Variants in FHIT observed in about 807,000 individuals in gnomAD.
FHIT encodes bis(5'-adenosyl)-triphosphatase.
Under a neutral mutation model 17.9 loss-of-function variants are expected in FHIT, and 19 were observed. The ratio of observed to expected loss-of-function variants is 1.06; its 90% CI spans 0.74 to 1.56. FHIT has a LOEUF of 1.56. Among genes scored for constraint, FHIT ranks in the 40% most tolerant of loss-of-function variants. FHIT has a pLI of 0.00. For synonymous variants in FHIT, 81 were observed against 69.7 expected, an observed-to-expected ratio of 1.16 and a Z score of -0.81; for missense variants, 248 against 189.2, an observed-to-expected ratio of 1.31 and a Z score of -1.82.
chr3:59,992,493 C>T (rs986851617), intron 7 of FHIT, among the ~76,000 whole-genome samples: 4 of 151,980 alleles, frequency 2.6e-5, no homozygotes, highest in African/African-American at 9.7e-5. Flanking sequence ...AAGCGTATAC[C>T]AACAACACAT....
At chr3:60,455,108 G>A (rs939015093) in intron 5 of FHIT, among the ~76,000 whole-genome samples, 21 of 152,056 alleles carry the variant, frequency 1.4e-4, no homozygotes, top group African/African-American at 3.6e-4. Flanking sequence ...TACAAATTAA[G>A]ATGGGGTGGG....
intron 5 of FHIT, among the ~76,000 whole-genome samples, chr3:60,217,342 C>T (rs1703741793): frequency 6.6e-6 from 1 of 152,166 alleles, no homozygotes; most frequent in African/African-American, 2.4e-5. Context: ...ACATGAGTCA[C>T]TTTCCTTGAG....
intron 1 of FHIT, among the ~76,000 whole-genome samples, chr3:61,247,227 T>G (rs946022915): frequency 3.3e-5 from 5 of 152,238 alleles, no homozygotes; most frequent in African/African-American, 1.2e-4. Flanking sequence ...CCTCTGCTGT[T>G]GCTGTGATCC....
intron 2 of FHIT, among the ~76,000 whole-genome samples, chr3:61,122,086 G>C (rs952826324): frequency 6.6e-6 from 1 of 152,026 alleles, no homozygotes; most frequent in African/African-American, 2.4e-5. Flanking sequence ...GAGGCATCAC[G>C]CTACCTGACT....
At chr3:60,068,381 C>A (rs1243610901) in intron 5 of FHIT, among the ~76,000 whole-genome samples, 1 of 152,220 alleles carries the variant, frequency 6.6e-6, no homozygotes, top group Non-Finnish European at 1.5e-5. Context: ...GACTCTGCAT[C>A]TTAAGTTCCC....
At chr3:60,284,790 A>C (rs1707640761) in intron 5 of FHIT, among the ~76,000 whole-genome samples, 1 of 152,122 alleles carries the variant, frequency 6.6e-6, no homozygotes, top group African/African-American at 2.4e-5. Context: ...CTAGGAAATA[A>C]AGCTAACAGT....
rs368042899 is a variant in FHIT at position 60,166,991 on chromosome 3, C to T, written c.104-152839G>A. Among the ~76,000 whole-genome samples the T allele has an allele frequency of 1.4e-4, 21 of 152,264 alleles. No homozygotes were observed. In the East Asian group the frequency reaches 1.5e-3, roughly 11 times the overall value. On this transcript the variant is annotated intron_variant, in intron 5 of 9. Coordinates refer to ENST00000492590, the MANE Select transcript of FHIT (RefSeq NM_002012.4). ...CATGCACCTGTGAGACTACTTTCTG[C>T]TCCCTAAATATGCCAAACACACACC... is the stretch of plus-strand genomic sequence containing the variant.
chr3:60,332,918 A>G (rs1710056448), intron 5 of FHIT, among the ~76,000 whole-genome samples: 1 of 152,226 alleles, frequency 6.6e-6, no homozygotes, highest in South Asian at 2.1e-4. Flanking sequence ...GTCTGCTCCT[A>G]GACACCACTT....
At chr3:60,553,169 A>C (rs2036616572) in intron 4 of FHIT, among the ~76,000 whole-genome samples, 1 of 152,004 alleles carries the variant, frequency 6.6e-6, no homozygotes. Flanking sequence ...TTATTTCTGT[A>C]TTTAATATTA....
At chr3:61,046,252 T>G (rs1242604751) in intron 2 of FHIT, among the ~76,000 whole-genome samples, 1 of 151,774 alleles carries the variant, frequency 6.6e-6, no homozygotes, top group South Asian at 2.1e-4. Flanking sequence ...GCAAGACTGG[T>G]AAAGAAGAAA....
At chr3:60,588,263 A>G (rs543426736) in intron 4 of FHIT, among the ~76,000 whole-genome samples, 14 of 151,998 alleles carry the variant, frequency 9.2e-5, no homozygotes, top group Non-Finnish European at 1.8e-4. Flanking sequence ...CCCTATATCC[A>G]CTAAAGATCA....
intron 4 of FHIT, among the ~76,000 whole-genome samples, chr3:60,744,263 CAAAA>C (rs2042304239): frequency 3.5e-5 from 3 of 85,994 alleles, no homozygotes; most frequent in African/African-American, 4.7e-5. Flanking sequence ...AAAAACAAAA[CAAAA>C]CAAAAAAAAA....
At chr3:61,226,375 T>C (rs926414056) in intron 1 of FHIT, among the ~76,000 whole-genome samples, 6 of 152,182 alleles carry the variant, frequency 3.9e-5, no homozygotes, top group African/African-American at 1.4e-4. Flanking sequence ...TTTCCTGCAT[T>C]TCCCCTTCAT....
At position 60,706,622 on chromosome 3, in the gene FHIT, A is replaced by G. The variant is rs76354458; in HGVS notation, c.-18+115297T>C. Among the ~76,000 whole-genome samples the G allele has an allele frequency of 2.5e-4, 38 of 152,302 alleles. 1 individual carries two copies. The East Asian group carries it at 7.3e-3, about 29-fold the overall frequency. On this transcript the variant is annotated intron_variant, in intron 4 of 9. Transcript: ENST00000492590. ...CGTTTGGGAACAGAGAAGGCGAAAC[A>G]CCATGTCTGACACACTATGGAAAGT...
intron 8 of FHIT, among the ~76,000 whole-genome samples, chr3:59,759,650 T>C (rs978354969): frequency 6.6e-6 from 1 of 152,216 alleles, no homozygotes; most frequent in African/African-American, 2.4e-5. Flanking sequence ...TGGACCATTC[T>C]GATTGAGTCA....
At chr3:60,590,817 A>T (rs1387898846) in intron 4 of FHIT, among the ~76,000 whole-genome samples, 1 of 152,226 alleles carries the variant, frequency 6.6e-6, no homozygotes, top group Non-Finnish European at 1.5e-5. Context: ...TGAACTGATG[A>T]CTTAAACGCA....
intron 8 of FHIT, among the ~76,000 whole-genome samples, chr3:59,752,706 T>A (rs1222738475): frequency 6.6e-6 from 1 of 152,058 alleles, no homozygotes; most frequent in African/African-American, 2.4e-5. Flanking sequence ...TGGGGGACCT[T>A]ATTGTTTAAA....
At chr3:60,293,063 C>G (rs1039600516) in intron 5 of FHIT, among the ~76,000 whole-genome samples, 7 of 152,140 alleles carry the variant, frequency 4.6e-5, no homozygotes, top group Non-Finnish European at 8.8e-5. Flanking sequence ...AAACCCACAG[C>G]TTTCAGAGCA....
At chr3:61,014,877 T>C (rs1277526483) in intron 3 of FHIT, among the ~76,000 whole-genome samples, 1 of 147,554 alleles carries the variant, frequency 6.8e-6, no homozygotes, top group Non-Finnish European at 1.5e-5. Flanking sequence ...CATGTATATA[T>C]GTGTATATCT....
Sources: allele counts gnomAD v4.1 joint callset (sites outside exome capture counted in the v4.1 genomes callset), GRCh38; gene constraint gnomAD v4.1.1; transcripts MANE v1.5; gene names NCBI Gene and HGNC (gene_info 2026-07-23, HGNC 2026-07-21).